The following CERKL variants were observed in gnomAD, a reference collection of about 807,000 sequenced individuals.
The protein encoded by CERKL is CERK like autophagy regulator, also known as ceramide kinase-like protein.
Under a neutral mutation model 63.4 loss-of-function variants are expected in CERKL, and 61 were observed. The observed-to-expected ratio is 0.96, with a 90% CI of 0.78 to 1.19. CERKL has a LOEUF of 1.19. Among genes scored for constraint, CERKL ranks in the 50% most tolerant of loss-of-function variants. The probability of loss-of-function intolerance (pLI) is 0.00; values close to 1 mark genes in which losing one functional copy is unlikely to be tolerated. For missense variants in CERKL, 675 were observed against 655.5 expected (o/e 1.03, Z -0.33); for synonymous variants, 250 against 230.5 (o/e 1.08, Z -0.77).
chr2:181,618,260 C>A (rs1332074098), intron 1 of CERKL, among the ~76,000 whole-genome samples: 1 of 66,974 alleles, frequency 1.5e-5, no homozygotes, highest in African/African-American at 7.3e-5. Flanking sequence ...CTTAAACTTA[C>A]ACAATATTTT....
intron 1 of CERKL, among the ~76,000 whole-genome samples, chr2:181,617,946 CA>C (rs1409519058): frequency 1.3e-5 from 2 of 152,202 alleles, no homozygotes. Flanking sequence ...ATCAAAGCAA[CA>C]TATTCACAAC....
At chr2:181,595,674 A>G (rs1685175828) in intron 2 of CERKL, among the ~76,000 whole-genome samples, 1 of 152,184 alleles carries the variant, frequency 6.6e-6, no homozygotes, top group African/African-American at 2.4e-5. Context: ...AACCTTGTTA[A>G]CTGATTTTTA....
At chr2:181,587,356 C>A (rs977864045) in intron 2 of CERKL, among the ~76,000 whole-genome samples, 1 of 152,160 alleles carries the variant, frequency 6.6e-6, no homozygotes, top group African/African-American at 2.4e-5. Context: ...CCGGAATAAT[C>A]ACCTCAATAC....
At chr2:181,613,303 C>T (rs1686054288) in intron 1 of CERKL, among the ~76,000 whole-genome samples, 1 of 152,154 alleles carries the variant, frequency 6.6e-6, no homozygotes, top group Non-Finnish European at 1.5e-5. Flanking sequence ...ACAGTTCTGC[C>T]TGCAGTCCTT....
At chr2:181,641,338 TATATATAC>T (rs1443821667) in intron 1 of CERKL, among the ~76,000 whole-genome samples, 1,575 of 5,724 alleles carry the variant, frequency 0.28, 13 homozygotes, top group Middle Eastern at 0.33. Context: ...TATATATATA[TATATATAC>T]ATATATATAC....
chr2:181,566,297 T>C (rs1688664679), intron 3 of CERKL, among the ~76,000 whole-genome samples, 176 bp from the exon 4 acceptor site: 1 of 152,212 alleles, frequency 6.6e-6, no homozygotes, highest in African/African-American at 2.4e-5. Flanking sequence ...ACTGGCCTGA[T>C]GTTTTATAGC....
At chr2:181,603,802 T>C in intron 2 of CERKL, 35 bp downstream of exon 2, 1 of 1,607,416 alleles carries the variant, frequency 6.2e-7, no homozygotes, top group South Asian at 1.1e-5. Context: ...TCAAGGAAAC[T>C]GGGCTGATTA....
In CERKL at chr2:181,566,048, T is replaced by G. The variant is rs1435887937; in HGVS notation, c.677+10A>C. On this transcript the variant is annotated intron_variant, in intron 4 of 12. Coordinates refer to ENST00000410087, the MANE Select transcript of CERKL (RefSeq NM_201548.5). ...TGATATAACATATATTGATTAATAA[T>G]ATAACCTACCCATCAAATCCCTGGA... 1.3e-6 allele frequency: 2 copies of G among 1,564,910 alleles called. No homozygotes were observed. Among genetic ancestry groups the G allele is most frequent in the African/African-American group, 2.7e-5 (2 of 73,840 alleles).
At chr2:181,606,098 AAGAC>A (rs997295393) in intron 1 of CERKL, among the ~76,000 whole-genome samples, 24 of 151,218 alleles carry the variant, frequency 1.6e-4, no homozygotes, top group South Asian at 4.2e-4. Flanking sequence ...AAGAAAGAAA[AAGAC>A]AGAAGGAAAG....
At chr2:181,645,918 A>C (rs2105526187) in intron 1 of CERKL, among the ~76,000 whole-genome samples, 3 of 152,350 alleles carry the variant, frequency 2.0e-5, no homozygotes, top group Non-Finnish European at 4.4e-5. Context: ...CAGAGATCAG[A>C]AATTATATAG....
At chr2:181,626,683 T>C (rs1486490524) in intron 1 of CERKL, among the ~76,000 whole-genome samples, 2 of 152,244 alleles carry the variant, frequency 1.3e-5, no homozygotes, top group Non-Finnish European at 2.9e-5. Context: ...GGTATGATCA[T>C]GTTAAAAAGG....
rs7604902 is a variant in CERKL at position 181,565,393 on chromosome 2, C to T, written c.677+665G>A. 73 of 1,465,576 alleles carry T rather than the reference C, an allele frequency of 5.0e-5. No individual in the cohort carries two copies. In the South Asian group the frequency reaches 8.2e-4, roughly 16 times the overall value. The allele number at this position is 1,465,576 out of a possible 1,614,324, so 90.8% of individuals were successfully genotyped here. On this transcript the variant is annotated intron_variant, in intron 4 of 12. Transcript: ENST00000410087. ...TCCAACACTTTAGCAAATTGGTTCA[C>T]CTAATTTTAAAAAATGGCAATGAAA... is the stretch of plus-strand genomic sequence containing the variant.
At chr2:181,592,585 C>T (rs1020996234) in intron 2 of CERKL, among the ~76,000 whole-genome samples, 1 of 152,138 alleles carries the variant, frequency 6.6e-6, no homozygotes. Context: ...AACTAATATG[C>T]TTCACTGGAT....
At chr2:181,548,096 C>A in intron 8 of CERKL, 1 of 590,190 alleles carries the variant, frequency 1.7e-6, no homozygotes, top group South Asian at 2.2e-5. Flanking sequence ...GACTATAACC[C>A]TTCTTTAATA....
chr2:181,575,912 A>G (rs912306774), intron 2 of CERKL, among the ~76,000 whole-genome samples: 30 of 152,160 alleles, frequency 2.0e-4, no homozygotes, highest in Admixed American at 6.5e-5. Flanking sequence ...AGCCTTTCTT[A>G]ATCAGCAACA....
chr2:181,635,940 T>C (rs1687161595), intron 1 of CERKL, among the ~76,000 whole-genome samples: 2 of 152,204 alleles, frequency 1.3e-5, no homozygotes, highest in Non-Finnish European at 2.9e-5. Context: ...AATAATGTTT[T>C]CTGAAAATAG....
At chr2:181,626,911 T>C (rs1686730515) in intron 1 of CERKL, among the ~76,000 whole-genome samples, 1 of 152,374 alleles carries the variant, frequency 6.6e-6, no homozygotes, top group East Asian at 1.9e-4. Context: ...AGCCAGTTTA[T>C]CTTCCCTAGC....
chr2:181,623,378 T>C (rs976474321), intron 1 of CERKL, among the ~76,000 whole-genome samples: 6 of 152,128 alleles, frequency 3.9e-5, no homozygotes, highest in African/African-American at 1.4e-4. Flanking sequence ...ATGGGTTTTA[T>C]GTCAGCACAT....
At chr2:181,549,592 C>A in intron 6 of CERKL, 42 bp downstream of exon 6, 1 of 1,419,414 alleles carries the variant, frequency 7.0e-7, no homozygotes. Context: ...TATAAATCAA[C>A]ATTTCCTTAT....
Sources: gnomAD v4.1 joint callset for allele counts (sites outside exome capture counted in the v4.1 genomes callset) on GRCh38, gnomAD v4.1.1 for gene constraint, MANE v1.5 for transcripts, NCBI Gene and HGNC (gene_info 2026-07-23, HGNC 2026-07-21) for gene names.